Variants in FNIP1 observed in about 807,000 individuals in gnomAD.
FNIP1 encodes the protein folliculin-interacting protein 1.
In FNIP1, 40 loss-of-function variants were observed where a neutral mutation model predicts 124.5. The ratio of observed to expected loss-of-function variants is 0.32; its 90% CI spans 0.25 to 0.42. FNIP1 has a LOEUF of 0.42. Ranked by LOEUF, FNIP1 falls within the 10% of genes least tolerant of loss-of-function variation. The probability of loss-of-function intolerance (pLI) is 1.00; values close to 1 mark genes in which losing one functional copy is unlikely to be tolerated. For synonymous variants in FNIP1, 472 were observed against 470.6 expected, an observed-to-expected ratio of 1.00 and a Z score of -0.04; for missense variants, 1,176 against 1,403.7, an observed-to-expected ratio of 0.84 and a Z score of 2.59.
At chr5:131,767,207 G>T (rs1399155060) in intron 1 of FNIP1, among the ~76,000 whole-genome samples, 1 of 151,922 alleles carries the variant, frequency 6.6e-6, no homozygotes, top group Admixed American at 6.6e-5. Context: ...GCCGAGGTGG[G>T]CAGATCACGA....
Position 131,672,911 on chromosome 5 carries a change from G to C in FNIP1, c.1533C>G (p.Gly511=). ...CTAACCGTACGGGAGAGCCAATAGC[G>C]CCATACAAGTCTCCTGTAATGGAAA... The part of the protein sequence containing the change: ...PLWAQLGDLY[G]AIGSPVRLAR... The change falls in exon 14 of 18, where the codon GGC becomes GGG. Residue 511 remains glycine, a synonymous_variant. Transcript: ENST00000510461. The C allele has an allele frequency of 6.5e-7, 1 of 1,544,862 alleles. No individual in the cohort carries two copies. The highest frequency in any genetic ancestry group is 8.7e-7 in the Non-Finnish European group (1 of 1,149,008).
intron 6 of FNIP1, among the ~76,000 whole-genome samples, chr5:131,713,291 C>T (rs1198045793): frequency 6.6e-6 from 1 of 152,092 alleles, no homozygotes; most frequent in Non-Finnish European, 1.5e-5. Flanking sequence ...CGTGATCTGC[C>T]CGCCTTGGCC....
chr5:131,765,549 T>C (rs544938407), intron 1 of FNIP1, among the ~76,000 whole-genome samples: 1 of 152,316 alleles, frequency 6.6e-6, no homozygotes, highest in African/African-American at 2.4e-5. Flanking sequence ...ATGCTTTCCT[T>C]AAAAAGAAAT....
chr5:131,734,459 T>G (rs1414969654), intron 2 of FNIP1, among the ~76,000 whole-genome samples: 1 of 152,104 alleles, frequency 6.6e-6, no homozygotes, highest in Non-Finnish European at 1.5e-5. Flanking sequence ...AATTGACAAA[T>G]GGGATCTAAT....
intron 1 of FNIP1, among the ~76,000 whole-genome samples, chr5:131,785,058 T>TGA (rs1772132637): frequency 4.0e-4 from 5 of 12,600 alleles, no homozygotes; most frequent in African/African-American, 8.9e-4. Flanking sequence ...ACTATATATA[T>TGA]CATATATATG....
intron 1 of FNIP1, among the ~76,000 whole-genome samples, chr5:131,771,944 G>A (rs150476091): frequency 8.6e-4 from 131 of 152,106 alleles, no homozygotes; most frequent in African/African-American, 2.9e-3. Context: ...ACCATGAGAC[G>A]GGAGTCCAAG....
chr5:131,660,326 TG>T (rs2149509355), intron 15 of FNIP1, among the ~76,000 whole-genome samples: 1 of 152,304 alleles, frequency 6.6e-6, no homozygotes, highest in South Asian at 2.1e-4. Flanking sequence ...GACATTATTC[TG>T]GAGATTATAA....
chr5:131,681,740 A>G (rs1453708341), intron 11 of FNIP1, among the ~76,000 whole-genome samples: 1 of 148,672 alleles, frequency 6.7e-6, no homozygotes, highest in East Asian at 1.9e-4. Flanking sequence ...GGAACACAGA[A>G]CAATCCAGGA....
At chr5:131,703,215 T>G (rs569322927) in intron 10 of FNIP1, among the ~76,000 whole-genome samples, 9 of 152,218 alleles carry the variant, frequency 5.9e-5, no homozygotes, top group Non-Finnish European at 1.2e-4. Context: ...TTTCAAAATA[T>G]ATCTAGAATC....
At chr5:131,763,695 C>A (rs1771318707) in intron 1 of FNIP1, among the ~76,000 whole-genome samples, 1 of 152,044 alleles carries the variant, frequency 6.6e-6, no homozygotes, top group Non-Finnish European at 1.5e-5. Flanking sequence ...GAGATTTGGG[C>A]AGGGACACAG....
chr5:131,677,869 G>T lies in FNIP1; in HGVS notation c.1353C>A (p.Phe451Leu). ...FLMENASKNQ[F>L]LPALITAVLT... The stretch of plus-strand genomic sequence containing the variant: ...GAACTGCAGTAATGAGAGCTGGCAA[G>T]AATCTGAAAACAAAATACATCTGAT... The change falls in exon 13 of 18, where the codon TTC (phenylalanine) becomes TTA (leucine). Residue 451 changes from phenylalanine to leucine, a missense_variant. Around this residue, in one of 2 missense-constraint regions of FNIP1, gnomAD observed 1,109 missense variants for 1,288.5 expected, o/e 0.86. Coordinates refer to ENST00000510461, the MANE Select transcript of FNIP1 (RefSeq NM_133372.3). The T allele has an allele frequency of 6.2e-7, 1 of 1,612,532 alleles. No homozygotes were observed. Among genetic ancestry groups the T allele is most frequent in the Non-Finnish European group, 8.5e-7 (1 of 1,179,118 alleles).
At chr5:131,644,827 G>T in intron 17 of FNIP1, 64 bp from the exon 18 acceptor site, 1 of 1,496,512 alleles carries the variant, frequency 6.7e-7, no homozygotes, top group Non-Finnish European at 9.3e-7. Context: ...AACTCTACAG[G>T]CAATGACCAC....
chr5:131,707,294 G>C (rs1306269925), intron 8 of FNIP1, among the ~76,000 whole-genome samples: 1 of 152,162 alleles, frequency 6.6e-6, no homozygotes, highest in Non-Finnish European at 1.5e-5. Flanking sequence ...GATTTAGAGA[G>C]GATAACACTT....
chr5:131,748,168 C>T (rs762219657), intron 1 of FNIP1, among the ~76,000 whole-genome samples: 80 of 152,022 alleles, frequency 5.3e-4, no homozygotes, highest in Non-Finnish European at 8.4e-4. Context: ...TAGTCATACA[C>T]CATATAACGT....
chr5:131,658,720 T>A (rs772219070), intron 15 of FNIP1, among the ~76,000 whole-genome samples: 4 of 151,394 alleles, frequency 2.6e-5, no homozygotes, highest in African/African-American at 4.8e-5. Context: ...TAGAGAGAAA[T>A]GGGGTGGCTT....
intron 13 of FNIP1, among the ~76,000 whole-genome samples, chr5:131,673,379 G>A (rs1767824242): frequency 6.6e-6 from 1 of 152,058 alleles, no homozygotes; most frequent in African/African-American, 2.4e-5. Context: ...TTTAACAGAT[G>A]AGTGACTATT....
intron 1 of FNIP1, among the ~76,000 whole-genome samples, chr5:131,783,440 A>C (rs1176288109): frequency 6.6e-6 from 1 of 151,964 alleles, no homozygotes; most frequent in Non-Finnish European, 1.5e-5. Context: ...GGAGAGGAAA[A>C]AACAAAACAG....
chr5:131,691,499 T>C (rs937098875), intron 11 of FNIP1, among the ~76,000 whole-genome samples: 2 of 152,154 alleles, frequency 1.3e-5, no homozygotes, highest in African/African-American at 4.8e-5. Flanking sequence ...GCAGAAATTA[T>C]TGTAATTGAA....
At position 131,718,903 on chromosome 5, in the gene FNIP1, T is replaced by G. The variant is rs555535112; in HGVS notation, c.530+83A>C. ...AAAGACAGAAAATCTGAACTTGTGC[T>G]GCAGTCCTAAAAGCAGTTGGTTAGT... On this transcript the variant is annotated intron_variant, in intron 5 of 17. Transcript: ENST00000510461. The G allele has an allele frequency of 3.6e-6, 4 of 1,110,404 alleles. No individual in the cohort carries two copies. In the African/African-American group the frequency reaches 6.2e-5, roughly 17 times the overall value. 68.8% of individuals were successfully genotyped at this position (1,110,404 alleles called of 1,614,324 possible).
Sources: allele counts gnomAD v4.1 joint callset (sites outside exome capture counted in the v4.1 genomes callset), GRCh38; gene constraint gnomAD v4.1.1; regional missense constraint gnomAD v4.1.1; transcripts MANE v1.5; gene names NCBI Gene and HGNC (gene_info 2026-07-23, HGNC 2026-07-21).